The following SDK1 variants were observed in gnomAD, a reference collection of about 807,000 sequenced individuals.
SDK1 encodes sidekick cell adhesion molecule 1.
A neutral mutation model predicts 245.5 loss-of-function variants in SDK1; 157 were observed. The observed-to-expected ratio is 0.64, with a 90% confidence interval of 0.56 to 0.73. SDK1 has a LOEUF of 0.73. Among genes scored for constraint, SDK1 ranks in the 30% least tolerant of loss-of-function variants. The probability of loss-of-function intolerance (pLI) is 0.00; values close to 1 mark genes in which losing one functional copy is unlikely to be tolerated. For synonymous variants in SDK1, 1,647 were observed against 1,278.5 expected, an observed-to-expected ratio of 1.29 and a Z score of -6.15; for missense variants, 3,583 against 3,002.3, an observed-to-expected ratio of 1.19 and a Z score of -4.52.
chr7:3,381,376 TAGAGAA>T (rs1364597290), intron 1 of SDK1, among the ~76,000 whole-genome samples: 1 of 151,512 alleles, frequency 6.6e-6, no homozygotes, highest in East Asian at 1.9e-4. Flanking sequence ...GAGAGCGACT[TAGAGAA>T]AGAGCACCCG....
At chr7:4,091,330 T>TTTTC in intron 22 of SDK1, among the ~76,000 whole-genome samples, 1 of 110,816 alleles carries the variant, frequency 9.0e-6, no homozygotes. Context: ...TTTTCTTTTC[T>TTTTC]TTTCTTTTTT....
chr7:3,783,901 C>G (rs978526716), intron 4 of SDK1, among the ~76,000 whole-genome samples: 1 of 150,578 alleles, frequency 6.6e-6, no homozygotes, highest in African/African-American at 2.5e-5. Flanking sequence ...CCAAGGCAAT[C>G]ATGAGCAAAA....
intron 32 of SDK1, among the ~76,000 whole-genome samples, chr7:4,170,563 G>A (rs974844072): frequency 2.6e-5 from 4 of 152,142 alleles, no homozygotes; most frequent in South Asian, 2.1e-4. Context: ...CACATCTCTG[G>A]TGGTGCTTTC....
chr7:3,568,285 T>G (rs1053327080), intron 1 of SDK1, among the ~76,000 whole-genome samples: 2 of 152,228 alleles, frequency 1.3e-5, no homozygotes, highest in Non-Finnish European at 2.9e-5. Context: ...TCAGCTACTT[T>G]AGGTAACTGA....
At chr7:3,342,434 C>A (rs1305900175) in intron 1 of SDK1, among the ~76,000 whole-genome samples, 4 of 151,678 alleles carry the variant, frequency 2.6e-5, no homozygotes, top group Admixed American at 2.6e-4. Flanking sequence ...ACTAAAAATA[C>A]AAAATCAGCC....
intron 1 of SDK1, among the ~76,000 whole-genome samples, chr7:3,558,966 T>C (rs1201125287): frequency 1.3e-5 from 2 of 152,224 alleles, no homozygotes; most frequent in Non-Finnish European, 2.9e-5. Flanking sequence ...TTAGATTGTT[T>C]GAAAGAAGGC....
At chr7:3,393,059 C>G (rs1781801837) in intron 1 of SDK1, among the ~76,000 whole-genome samples, 1 of 150,330 alleles carries the variant, frequency 6.7e-6, no homozygotes, top group Non-Finnish European at 1.5e-5. Context: ...CAATCTCCGC[C>G]TCCTAGGTTC....
chr7:3,959,575 A>G (rs1781515904), intron 8 of SDK1, among the ~76,000 whole-genome samples: 1 of 152,042 alleles, frequency 6.6e-6, no homozygotes, highest in South Asian at 2.1e-4. Flanking sequence ...CGCCCACCCC[A>G]CACCCTTGTG....
At chr7:3,443,984 A>G (rs1388511892) in intron 1 of SDK1, among the ~76,000 whole-genome samples, 1 of 152,244 alleles carries the variant, frequency 6.6e-6, no homozygotes, top group Non-Finnish European at 1.5e-5. Context: ...TATCATATAC[A>G]TAGCACGGAA....
At chr7:3,369,797 A>G (rs940289757) in intron 1 of SDK1, among the ~76,000 whole-genome samples, 1 of 152,196 alleles carries the variant, frequency 6.6e-6, no homozygotes, top group African/African-American at 2.4e-5. Flanking sequence ...AACCCATGAA[A>G]TGTGTGGTAG....
chr7:4,060,985 T>A (rs528896525), intron 19 of SDK1, among the ~76,000 whole-genome samples: 1 of 152,328 alleles, frequency 6.6e-6, no homozygotes, highest in South Asian at 2.1e-4. Context: ...GGCTCTGTTC[T>A]GTTCCGTTGA....
chr7:3,631,777 G>A (rs999912816), intron 2 of SDK1, among the ~76,000 whole-genome samples: 7 of 152,298 alleles, frequency 4.6e-5, no homozygotes, highest in African/African-American at 1.7e-4. Flanking sequence ...TCTTTGTTTA[G>A]GGATCATTGT....
intron 4 of SDK1, among the ~76,000 whole-genome samples, chr7:3,696,299 C>G (rs1306488396): frequency 6.6e-6 from 1 of 152,070 alleles, no homozygotes; most frequent in Non-Finnish European, 1.5e-5. Flanking sequence ...CTTGGATCCC[C>G]CAATCACGTG....
chr7:3,607,436 C>G lies in SDK1; in HGVS notation c.299-11644C>G, dbSNP rs189255983. ...TTTTCTTTGTTTCCTGTTTATCTCC[C>G]TAAACTAGAAGATAAGCTCCATGAA... On this transcript the variant is annotated intron_variant, in intron 1 of 44. Coordinates refer to ENST00000404826, the MANE Select transcript of SDK1 (RefSeq NM_152744.4). Among the ~76,000 whole-genome samples the G allele has an allele frequency of 1.3e-3, 201 of 152,252 alleles. 1 individual carries two copies. The highest frequency in any genetic ancestry group is 1.5e-3 in the Non-Finnish European group (104 of 68,010).
In SDK1 at chr7:3,716,928, TA is replaced by T. The variant is rs1480521788; in HGVS notation, c.713+74824del. Among the ~76,000 whole-genome samples, 3 of 152,102 alleles carry T rather than the reference TA, an allele frequency of 2.0e-5. No individual in the cohort carries two copies. In the South Asian group the frequency reaches 6.2e-4, roughly 32 times the overall value. On this transcript the variant is annotated intron_variant, in intron 4 of 44. Transcript: ENST00000404826. ...GAAAGAAGAACAAATAAGTGGATAA[TA>T]GGGGTAAATAAAATACACTACTTTT...
intron 29 of SDK1, among the ~76,000 whole-genome samples, chr7:4,148,521 G>T (rs1026115177): frequency 6.6e-6 from 1 of 152,174 alleles, no homozygotes; most frequent in Non-Finnish European, 1.5e-5. Flanking sequence ...AGTAGATGCC[G>T]TAGATGCTTT....
intron 1 of SDK1, among the ~76,000 whole-genome samples, chr7:3,324,310 A>G (rs923407729): frequency 6.6e-6 from 1 of 152,166 alleles, no homozygotes. Context: ...TTTCACAAAG[A>G]GACATGCACA....
chr7:3,988,896 C>T (rs1418278173), intron 14 of SDK1, among the ~76,000 whole-genome samples: 6 of 152,092 alleles, frequency 3.9e-5, no homozygotes, highest in Non-Finnish European at 7.4e-5. Flanking sequence ...CTCAGCCTCC[C>T]GAGTAGCTGG....
chr7:3,729,407 G>A (rs1474280253), intron 4 of SDK1, among the ~76,000 whole-genome samples: 1 of 152,170 alleles, frequency 6.6e-6, no homozygotes, highest in African/African-American at 2.4e-5. Context: ...TATCCCTTAG[G>A]AAACACTTAA....
Sources: allele counts gnomAD v4.1 joint callset (sites outside exome capture counted in the v4.1 genomes callset), GRCh38; gene constraint gnomAD v4.1.1; transcripts MANE v1.5; gene names NCBI Gene and HGNC (gene_info 2026-07-23, HGNC 2026-07-21).